ZBTB44: variants seen among roughly 807,000 people sequenced by gnomAD.
ZBTB44 encodes zinc finger and BTB domain-containing protein 44.
ZBTB44 carries 15 observed loss-of-function variants against 54.0 expected under a neutral mutation model. The observed-to-expected ratio is 0.28, with a 90% CI of 0.19 to 0.43. The LOEUF is 0.43. Ranked by LOEUF, ZBTB44 falls within the 20% of genes least tolerant of loss-of-function variation. The pLI is 1.00. For missense variants in ZBTB44, 487 were observed against 707.1 expected (o/e 0.69, Z 3.53); for synonymous variants, 230 against 250.1 (o/e 0.92, Z 0.76).
chr11:130,245,040 A>T (rs1294320343), intron 2 of ZBTB44, among the ~76,000 whole-genome samples: 1 of 152,246 alleles, frequency 6.6e-6, no homozygotes, highest in African/African-American at 2.4e-5. Flanking sequence ...ACAATCATAA[A>T]GAACACTCAT....
intron 5 of ZBTB44, chr11:130,236,255 T>G (rs1428663076): frequency 1.6e-6 from 2 of 1,275,118 alleles, no homozygotes; most frequent in African/African-American, 1.5e-5. Flanking sequence ...AAATTAATAT[T>G]ACAAGAATAG....
chr11:130,286,722 A>G (rs183536653), intron 1 of ZBTB44, among the ~76,000 whole-genome samples: 1 of 152,376 alleles, frequency 6.6e-6, no homozygotes, highest in East Asian at 1.9e-4. Context: ...TGGAGACAGC[A>G]TGTCCACTAG....
chr11:130,252,857 T>G (rs1030968018), intron 2 of ZBTB44, among the ~76,000 whole-genome samples: 1 of 152,178 alleles, frequency 6.6e-6, no homozygotes, highest in African/African-American at 2.4e-5. Context: ...TCAAAAAGCT[T>G]ATCCACCATG....
chr11:130,234,856 T>A (rs939414392), intron 5 of ZBTB44, among the ~76,000 whole-genome samples: 4 of 152,196 alleles, frequency 2.6e-5, no homozygotes, highest in Non-Finnish European at 5.9e-5. Flanking sequence ...GCCTTGAGAT[T>A]GGTTATGTGA....
intron 2 of ZBTB44, among the ~76,000 whole-genome samples, chr11:130,248,782 G>C (rs912675924): frequency 6.6e-6 from 1 of 151,998 alleles, no homozygotes; most frequent in Non-Finnish European, 1.5e-5. Flanking sequence ...ATAACTGAAA[G>C]ATTTGTTCTA....
intron 1 of ZBTB44, among the ~76,000 whole-genome samples, chr11:130,282,860 T>C (rs1940630773): frequency 6.6e-6 from 1 of 152,122 alleles, no homozygotes. Context: ...TTGTTTAAAT[T>C]AGAGATGGGG....
At chr11:130,279,127 C>T (rs1940323897) in intron 1 of ZBTB44, among the ~76,000 whole-genome samples, 1 of 151,912 alleles carries the variant, frequency 6.6e-6, no homozygotes, top group Non-Finnish European at 1.5e-5. Flanking sequence ...TAGTGACTAG[C>T]CGAATTATTT....
At chr11:130,305,828 A>T (rs1487523879) in intron 1 of ZBTB44, among the ~76,000 whole-genome samples, 1 of 152,220 alleles carries the variant, frequency 6.6e-6, no homozygotes, top group Non-Finnish European at 1.5e-5. Context: ...AGTGGTAGAA[A>T]ATTTTTGCAA....
intron 1 of ZBTB44, among the ~76,000 whole-genome samples, chr11:130,277,856 A>G (rs1408468807): frequency 6.6e-6 from 1 of 152,168 alleles, no homozygotes; most frequent in Non-Finnish European, 1.5e-5. Flanking sequence ...TTCATTTAAA[A>G]AAGATAGCAT....
Position 130,262,996 on chromosome 11 carries a change from G to A in ZBTB44, c.-56-1067C>T, listed in dbSNP as rs569188581. On this transcript the variant is annotated intron_variant, in intron 1 of 7. Coordinates refer to ENST00000357899, the MANE Select transcript of ZBTB44 (RefSeq NM_001301098.2). ...GGATCACTTGAGCCTGGGAGGTGGAGGTTGCAGTGAGCCGAGACTGCACCA... is the reference window on the plus strand; with the variant it reads ...GGATCACTTGAGCCTGGGAGGTGGAAGTTGCAGTGAGCCGAGACTGCACCA... 4.9e-4 allele frequency among the ~76,000 whole-genome samples: 74 copies of A among 152,338 alleles called. 1 individual carries two copies. The highest frequency in any genetic ancestry group is 3.0e-3 in the Admixed American group (46 of 15,298).
chr11:130,297,095 A>T, intron 1 of ZBTB44: 1 of 602,006 alleles, frequency 1.7e-6, no homozygotes, highest in Admixed American at 2.8e-5. Flanking sequence ...CTGTTCTAAA[A>T]TGAATTTTTT....
At chr11:130,260,272 T>C (rs1938766808) in intron 2 of ZBTB44, among the ~76,000 whole-genome samples, 1 of 152,226 alleles carries the variant, frequency 6.6e-6, no homozygotes, top group Non-Finnish European at 1.5e-5. Context: ...ACCTCTGTGT[T>C]TGCATATATG....
chr11:130,278,354 T>C (rs565655404), intron 1 of ZBTB44, among the ~76,000 whole-genome samples: 1 of 152,066 alleles, frequency 6.6e-6, no homozygotes, highest in South Asian at 2.1e-4. Context: ...AAAAACAGAG[T>C]GGTTGTAAGG....
chr11:130,253,772 A>C lies in ZBTB44; in HGVS notation c.1018+7084T>G, dbSNP rs1299168238. Among the ~76,000 whole-genome samples, 4 of 152,106 alleles carry C rather than the reference A, an allele frequency of 2.6e-5. No homozygotes were observed. The East Asian group carries it at 7.7e-4, about 29-fold the overall frequency. On this transcript the variant is annotated intron_variant, in intron 2 of 7. Transcript: ENST00000357899. ...AGCCTGCATTGCCAAGTTAATCCTA[A>C]GCCAAAAGAATAAAGCTGGAGGCAC...
At chr11:130,254,310 A>C (rs984110661) in intron 2 of ZBTB44, among the ~76,000 whole-genome samples, 6 of 152,216 alleles carry the variant, frequency 3.9e-5, no homozygotes, top group African/African-American at 1.4e-4. Context: ...AATTTTTACA[A>C]TCTACTCAAC....
intron 1 of ZBTB44, among the ~76,000 whole-genome samples, chr11:130,269,944 G>A (rs1037297446): frequency 1.3e-5 from 2 of 152,066 alleles, no homozygotes; most frequent in South Asian, 4.1e-4. Context: ...ATTAAATGTA[G>A]ATCAAATTTT....
Position 130,260,952 on chromosome 11 carries a change from T to C in ZBTB44, c.922A>G (p.Ser308Gly). 2 of 1,614,044 alleles carry C rather than the reference T, an allele frequency of 1.2e-6. No individual in the cohort carries two copies. Among genetic ancestry groups the C allele is most frequent in the Non-Finnish European group, 1.7e-6 (2 of 1,179,902 alleles). The change falls in exon 2 of 8, where the codon AGT (serine) becomes GGT (glycine). Residue 308 changes from serine to glycine, a missense_variant. By Grantham distance (56) the Ser-to-Gly change is moderately conservative. Transcript: ENST00000357899. ...TCACTCAGCGAACTCTGAGATGCAC[T>C]GACAGGCTGGGACACTTCCTCATGG... ...EVHEEVSQPV[S>G]ASQSSLSDQQ... is the part of the protein sequence containing the mutation.
At position 130,227,170 on chromosome 11, in the gene ZBTB44, T is replaced by C. The variant is rs1436836047; in HGVS notation, c.*4594A>G. ...TTCCTGTAAAATACTAATAGCCAGA[T>C]ACTAGTATATAAAATGTGAAGTTCT... is the stretch of plus-strand genomic sequence containing the variant. On this transcript the variant is annotated 3_prime_UTR_variant, in exon 8 of 8. Transcript: ENST00000357899. 1 of 152,190 alleles carries C rather than the reference T, an allele frequency of 6.6e-6. No individual in the cohort carries two copies. The highest frequency in any genetic ancestry group is 2.4e-5 in the African/African-American group (1 of 41,452). The allele number at this position is 152,190 out of a possible 1,614,324, so 9.4% of individuals were successfully genotyped here.
At chr11:130,275,176 G>C (rs1430217911) in intron 1 of ZBTB44, among the ~76,000 whole-genome samples, 1 of 151,852 alleles carries the variant, frequency 6.6e-6, no homozygotes, top group Non-Finnish European at 1.5e-5. Flanking sequence ...TCTTTTTCCA[G>C]TGTCTTAAGG....
Sources: allele counts gnomAD v4.1 joint callset (sites outside exome capture counted in the v4.1 genomes callset), GRCh38; gene constraint gnomAD v4.1.1; transcripts MANE v1.5; gene names NCBI Gene and HGNC (gene_info 2026-07-23, HGNC 2026-07-21).